ZDHHC3: variants seen among roughly 807,000 people sequenced by gnomAD.
ZDHHC3 encodes zDHHC palmitoyltransferase 3, also known as palmitoyltransferase ZDHHC3.
In ZDHHC3, 9 loss-of-function variants were observed where a neutral mutation model predicts 30.6. That is an observed-to-expected ratio of 0.29 (90% CI 0.18 to 0.51). The LOEUF (loss-of-function observed/expected upper bound fraction) is 0.51. Ranked by LOEUF, ZDHHC3 falls within the 20% of genes least tolerant of loss-of-function variation. The pLI is 0.97. For synonymous variants in ZDHHC3, 136 were observed against 140.2 expected (o/e 0.97, Z 0.21); for missense variants, 246 against 384.2 (o/e 0.64, Z 3.01).
chr3:44,940,536 C>G (rs1306771933), intron 3 of ZDHHC3, among the ~76,000 whole-genome samples: 1 of 152,214 alleles, frequency 6.6e-6, no homozygotes, highest in Non-Finnish European at 1.5e-5. Context: ...AGCTGGTGAG[C>G]TCCATGGCAC....
At chr3:44,928,761 A>G (rs1243872850) in intron 6 of ZDHHC3, among the ~76,000 whole-genome samples, 2 of 152,008 alleles carry the variant, frequency 1.3e-5, no homozygotes, top group African/African-American at 2.4e-5. Flanking sequence ...GGGTGAGGAG[A>G]AGGCAGCGGA....
At chr3:44,960,378 C>T (rs1476192487) in intron 1 of ZDHHC3, among the ~76,000 whole-genome samples, 1 of 152,168 alleles carries the variant, frequency 6.6e-6, no homozygotes, top group African/African-American at 2.4e-5. Context: ...ACTCTGTACA[C>T]CTCACAGGTT....
At chr3:44,943,866 T>C (rs999399281) in intron 3 of ZDHHC3, among the ~76,000 whole-genome samples, 1 of 152,072 alleles carries the variant, frequency 6.6e-6, no homozygotes, top group African/African-American at 2.4e-5. Context: ...TGCATGCCTG[T>C]AGTCCCAGCT....
intron 6 of ZDHHC3, among the ~76,000 whole-genome samples, chr3:44,928,174 G>A (rs1035758700): frequency 2.6e-5 from 4 of 152,124 alleles, no homozygotes; most frequent in African/African-American, 7.2e-5. Flanking sequence ...TATACCATTG[G>A]CTACTAGTTT....
At chr3:44,940,327 G>A (rs1417964889) in intron 3 of ZDHHC3, among the ~76,000 whole-genome samples, 2 of 152,160 alleles carry the variant, frequency 1.3e-5, no homozygotes, top group Non-Finnish European at 2.9e-5. Flanking sequence ...ACAGATCACA[G>A]ACTAAGAGCC....
At chr3:44,953,697 T>C (rs1484470689) in intron 2 of ZDHHC3, among the ~76,000 whole-genome samples, 1 of 152,180 alleles carries the variant, frequency 6.6e-6, no homozygotes, top group Non-Finnish European at 1.5e-5. Flanking sequence ...AGGTAGCTAG[T>C]TGGTCCCCAA....
intron 1 of ZDHHC3, among the ~76,000 whole-genome samples, chr3:44,971,370 G>C (rs1705388560): frequency 6.6e-6 from 1 of 152,232 alleles, no homozygotes. Flanking sequence ...TGAATTAAGT[G>C]GGACATGCAC....
chr3:44,918,490 G>A lies in ZDHHC3; in HGVS notation c.*8199C>T. ...GGGGCTAGGCTGATGAGTGGCTGAG[G>A]CATAAGGGGGACCACACATCCTCTG... On this transcript the variant is annotated 3_prime_UTR_variant, in exon 7 of 7. Transcript: ENST00000424952. 2 of 985,410 alleles carry A rather than the reference G, an allele frequency of 2.0e-6. No individual in the cohort carries two copies. 61.0% of individuals were successfully genotyped at this position (985,410 alleles called of 1,614,324 possible). A position where few individuals can be genotyped will look rare whatever the true frequency, so the allele number is the denominator to read the frequency against.
At chr3:44,971,286 G>A (rs1398542606) in intron 1 of ZDHHC3, among the ~76,000 whole-genome samples, 4 of 152,280 alleles carry the variant, frequency 2.6e-5, no homozygotes, top group South Asian at 2.1e-4. Flanking sequence ...TACATACTAC[G>A]AAGTCTATGG....
At chr3:44,930,039 T>C (rs1701356789) in intron 5 of ZDHHC3, among the ~76,000 whole-genome samples, 2 of 152,118 alleles carry the variant, frequency 1.3e-5, no homozygotes, top group African/African-American at 4.8e-5. Flanking sequence ...CCAGGGACAT[T>C]TGCAGCACCG....
intron 1 of ZDHHC3, among the ~76,000 whole-genome samples, chr3:44,974,909 C>CT (rs1438847709): frequency 1.3e-5 from 2 of 152,144 alleles, no homozygotes; most frequent in African/African-American, 4.8e-5. Context: ...TATGTTGGCC[C>CT]TGGAGCCTTC....
chr3:44,950,857 T>G (rs1703388790), intron 2 of ZDHHC3, among the ~76,000 whole-genome samples: 1 of 152,248 alleles, frequency 6.6e-6, no homozygotes, highest in African/African-American at 2.4e-5. Flanking sequence ...TTTTTGTCAC[T>G]GCTGTCATGC....
At chr3:44,961,784 AT>A (rs1002781348) in intron 1 of ZDHHC3, among the ~76,000 whole-genome samples, 2 of 152,256 alleles carry the variant, frequency 1.3e-5, no homozygotes, top group Non-Finnish European at 2.9e-5. Context: ...TTATATTTAT[AT>A]CACCTGTGTT....
chr3:44,923,004 C>G lies in ZDHHC3; in HGVS notation c.*3685G>C. The G allele has an allele frequency of 3.0e-6, 3 of 985,210 alleles. No individual in the cohort carries two copies. Among genetic ancestry groups the G allele is most frequent in the Non-Finnish European group, 3.6e-6 (3 of 829,918 alleles). The allele number at this position is 985,210 out of a possible 1,614,324, so 61.0% of individuals were successfully genotyped here. A position where few individuals can be genotyped will look rare whatever the true frequency, so the allele number is the denominator to read the frequency against. On this transcript the variant is annotated 3_prime_UTR_variant, in exon 7 of 7. Coordinates refer to ENST00000424952, the MANE Select transcript of ZDHHC3 (RefSeq NM_001135179.2). ...AGAAATTTAAAACCCATTAGCCTGG[C>G]TGAGAAAGCCCATCCCAGCCCACCC...
chr3:44,963,385 G>A (rs1446704996), intron 1 of ZDHHC3, among the ~76,000 whole-genome samples: 2 of 151,898 alleles, frequency 1.3e-5, no homozygotes, highest in South Asian at 2.1e-4. Context: ...AACCAAGAAA[G>A]GCATACTGCT....
At chr3:44,974,216 A>T (rs900579340) in intron 1 of ZDHHC3, among the ~76,000 whole-genome samples, 6 of 152,242 alleles carry the variant, frequency 3.9e-5, no homozygotes, top group Non-Finnish European at 8.8e-5. Context: ...ATTATTTAGC[A>T]AATACTGCAG....
In ZDHHC3 at chr3:44,924,293, T is replaced by C; in HGVS notation, c.*2396A>G. On this transcript the variant is annotated 3_prime_UTR_variant, in exon 7 of 7. Coordinates refer to ENST00000424952, the MANE Select transcript of ZDHHC3 (RefSeq NM_001135179.2). ...CCAGGCTGGGAACCAATCACTACCC[T>C]GCAAATGATGGCTACATTCCTCAGT... 1.0e-6 allele frequency: 1 copy of C among 985,446 alleles called. No individual in the cohort carries two copies. Among genetic ancestry groups the C allele is most frequent in the Non-Finnish European group, 1.2e-6 (1 of 829,932 alleles). 61.0% of individuals were successfully genotyped at this position (985,446 alleles called of 1,614,324 possible).
chr3:44,926,462 AAG>A lies in ZDHHC3; in HGVS notation c.*225_*226del, dbSNP rs562159568. 6.3e-4 allele frequency: 801 copies of A among 1,269,580 alleles called. 7 individuals carry two copies. In the South Asian group the frequency reaches 0.014, roughly 21 times the overall value. The allele number at this position is 1,269,580 out of a possible 1,614,324, so 78.6% of individuals were successfully genotyped here. ...GCCAGAGAAGTGATTTTAAAAGGAA[AAG>A]AGAGCAGCTTCGGTCACCAAAAGAA... is the stretch of plus-strand genomic sequence containing the variant. On this transcript the variant is annotated 3_prime_UTR_variant, in exon 7 of 7. Coordinates refer to ENST00000424952, the MANE Select transcript of ZDHHC3 (RefSeq NM_001135179.2).
intron 1 of ZDHHC3, among the ~76,000 whole-genome samples, chr3:44,971,033 AT>A (rs534314556): frequency 3.9e-4 from 60 of 152,312 alleles, no homozygotes; most frequent in Admixed American, 6.5e-4. Flanking sequence ...TCTACCATAG[AT>A]TGTTATCTTC....
Sources: allele counts gnomAD v4.1 joint callset (sites outside exome capture counted in the v4.1 genomes callset), GRCh38; gene constraint gnomAD v4.1.1; transcripts MANE v1.5; gene names NCBI Gene and HGNC (gene_info 2026-07-23, HGNC 2026-07-21).